Variants in ANKRD26 observed in about 807,000 individuals in gnomAD.
ANKRD26 encodes ankyrin repeat domain 26, also known as ankyrin repeat domain-containing protein 26.
ANKRD26 carries 141 observed loss-of-function variants against 208.7 expected under a neutral mutation model. The observed-to-expected ratio is 0.68, with a 90% CI of 0.59 to 0.78. The LOEUF (loss-of-function observed/expected upper bound fraction) is 0.78. ANKRD26 is among the 30% of genes least tolerant of loss of function. The pLI, the probability that ANKRD26 is intolerant of heterozygous loss-of-function variation, is 0.00. For missense variants in ANKRD26, 1,889 were observed against 1,938.7 expected (o/e 0.97, Z 0.48); for synonymous variants, 636 against 660.4 (o/e 0.96, Z 0.57).
At chr10:26,981,511 A>T (rs1022453920) in intron 4 of ANKRD26, among the ~76,000 whole-genome samples, 2 of 152,200 alleles carry the variant, frequency 1.3e-5, no homozygotes, top group Non-Finnish European at 1.5e-5. Context: ...GGACCACGAA[A>T]AAAAGGCAGA....
At chr10:26,963,659 G>A in the ANKRD26 span, among the ~76,000 whole-genome samples, 56 of 152,220 alleles carry the variant, frequency 3.7e-4, no homozygotes, top group African/African-American at 8.9e-4. Context: ...ACCAAAATCC[G>A]CGGTCCCTGA....
chr10:27,031,914 T>C (rs1328673665), intron 25 of ANKRD26, among the ~76,000 whole-genome samples: 1 of 152,214 alleles, frequency 6.6e-6, no homozygotes, highest in Non-Finnish European at 1.5e-5. Context: ...GTTAATGGCC[T>C]TTCTGTACAA....
At chr10:26,961,333 C>T in the ANKRD26 span, among the ~76,000 whole-genome samples, 1 of 151,882 alleles carries the variant, frequency 6.6e-6, no homozygotes, top group Admixed American at 6.6e-5. Flanking sequence ...AAAATAAAAA[C>T]TTAAAATAGA....
At chr10:27,035,996 TA>T (rs950855742) in intron 23 of ANKRD26, among the ~76,000 whole-genome samples, 8 of 152,166 alleles carry the variant, frequency 5.3e-5, no homozygotes, top group Admixed American at 5.2e-4. Flanking sequence ...AGAAAATTTT[TA>T]AGAATCACAG....
At chr10:27,030,420 C>T (rs1039344336) in intron 25 of ANKRD26, 6 of 985,312 alleles carry the variant, frequency 6.1e-6, no homozygotes, top group Admixed American at 6.1e-5. Flanking sequence ...GGACTGAAAA[C>T]ACTGGACTCT....
chr10:27,038,851 A>T (rs544730538), intron 21 of ANKRD26, among the ~76,000 whole-genome samples: 1 of 152,196 alleles, frequency 6.6e-6, no homozygotes, highest in East Asian at 1.9e-4. Context: ...TTCATACAAC[A>T]TATATCTGTA....
chr10:27,013,133 A>T (rs540664945), intron 31 of ANKRD26, 23 bp from the exon 32 acceptor site: 2 of 1,596,610 alleles, frequency 1.3e-6, no homozygotes, highest in Non-Finnish European at 1.7e-6. Flanking sequence ...CAGAAGACAC[A>T]TGCTTAGTAT....
At chr10:26,977,572 G>A (rs10829152) in intron 5 of ANKRD26, among the ~76,000 whole-genome samples, 56,523 of 151,960 alleles carry the variant, frequency 0.37, 11,361 homozygotes, top group South Asian at 0.49. Context: ...TTTTGCACAG[G>A]CAAAAGGCAC....
intron 29 of ANKRD26, among the ~76,000 whole-genome samples, chr10:27,018,540 T>C (rs1321455591): frequency 6.6e-6 from 1 of 152,196 alleles, no homozygotes; most frequent in East Asian, 1.9e-4. Context: ...AATAAGACTC[T>C]AATTAATGAA....
intron 23 of ANKRD26, 73 bp from the exon 24 acceptor site, chr10:27,035,825 G>C: frequency 9.3e-7 from 1 of 1,074,150 alleles, no homozygotes; most frequent in Non-Finnish European, 1.4e-6. Flanking sequence ...TGAAATTAAA[G>C]AATAAACTGT....
intron 9 of ANKRD26, among the ~76,000 whole-genome samples, chr10:27,072,308 T>C (rs1367343825): frequency 6.6e-6 from 1 of 152,164 alleles, no homozygotes; most frequent in South Asian, 2.1e-4. Flanking sequence ...TTGCCTGATA[T>C]CCCCAGCTCC....
chr10:27,005,458 A>T lies in ANKRD26; in HGVS notation c.*132T>A, dbSNP rs904876392. 2 of 1,447,000 alleles carry T rather than the reference A, an allele frequency of 1.4e-6. No homozygotes were observed. The highest frequency in any genetic ancestry group is 1.8e-6 in the Non-Finnish European group (2 of 1,105,126). 89.6% of individuals were successfully genotyped at this position (1,447,000 alleles called of 1,614,324 possible). A position where few individuals can be genotyped will look rare whatever the true frequency, so the allele number is the denominator to read the frequency against. On this transcript the variant is annotated 3_prime_UTR_variant, in exon 34 of 34. Coordinates refer to ENST00000376087, the MANE Select transcript of ANKRD26 (RefSeq NM_014915.3). ...AAAGAAGCCAAGTAACATTGTTTAA[A>T]ATACTATATAAATTTTGATCTGACA... is the stretch of plus-strand genomic sequence containing the variant.
At chr10:27,071,824 C>G (rs981300855) in intron 9 of ANKRD26, among the ~76,000 whole-genome samples, 2 of 152,146 alleles carry the variant, frequency 1.3e-5, no homozygotes, top group African/African-American at 4.8e-5. Flanking sequence ...CTAACTCCCC[C>G]CGCGCTGGAG....
chr10:26,961,723 C>T, the ANKRD26 span, among the ~76,000 whole-genome samples: 7 of 152,150 alleles, frequency 4.6e-5, no homozygotes, highest in African/African-American at 1.2e-4. Flanking sequence ...TATTAACATA[C>T]CTATCTCAGA....
chr10:27,024,620 CTAT>C (rs1422399620), intron 27 of ANKRD26, 61 bp from the exon 28 acceptor site: 2 of 976,288 alleles, frequency 2.0e-6, no homozygotes, highest in Non-Finnish European at 3.2e-6. Flanking sequence ...TTTCTTAAAA[CTAT>C]TATTTCTTAT....
intron 5 of ANKRD26, 72 bp downstream of exon 5, chr10:27,086,467 C>A: frequency 6.4e-7 from 1 of 1,571,898 alleles, no homozygotes; most frequent in South Asian, 1.1e-5. Flanking sequence ...TTTCTGTGAT[C>A]AACACTTCCT....
intron 15 of ANKRD26, among the ~76,000 whole-genome samples, chr10:27,056,908 A>G (rs1170891102): frequency 6.6e-6 from 1 of 152,190 alleles, no homozygotes; most frequent in Non-Finnish European, 1.5e-5. Context: ...TGTGATTCAC[A>G]AAGGTCATGG....
At chr10:27,061,086 G>C in intron 13 of ANKRD26, 58 bp downstream of exon 13, 1 of 1,234,164 alleles carries the variant, frequency 8.1e-7, no homozygotes, top group Non-Finnish European at 1.2e-6. Flanking sequence ...GAATTGATCA[G>C]CTTGGATATA....
intron 5 of ANKRD26, among the ~76,000 whole-genome samples, chr10:26,994,276 G>T (rs1249610390): frequency 6.6e-6 from 1 of 152,148 alleles, no homozygotes; most frequent in Non-Finnish European, 1.5e-5. Flanking sequence ...GGCTTCCCTG[G>T]CTTATTTTGG....
Sources: gnomAD v4.1 joint callset for allele counts (sites outside exome capture counted in the v4.1 genomes callset) on GRCh38, gnomAD v4.1.1 for gene constraint, MANE v1.5 for transcripts, NCBI Gene and HGNC (gene_info 2026-07-23, HGNC 2026-07-21) for gene names.